Variants in KHDRBS2 observed in about 807,000 individuals in gnomAD.
KHDRBS2 encodes KH RNA binding domain containing, signal transduction associated 2, also known as KH domain-containing, RNA-binding, signal transduction-associated protein 2.
KHDRBS2 carries 26 observed loss-of-function variants against 44.3 expected under a neutral mutation model. That is an observed-to-expected ratio of 0.59 (90% CI 0.43 to 0.81). KHDRBS2 has a LOEUF of 0.81. Among genes scored for constraint, KHDRBS2 ranks in the 40% least tolerant of loss-of-function variants. The pLI is 0.00. For synonymous variants in KHDRBS2, 194 were observed against 151.1 expected, an observed-to-expected ratio of 1.28 and a Z score of -2.08; for missense variants, 476 against 433.1, an observed-to-expected ratio of 1.10 and a Z score of -0.88.
At chr6:61,814,334 G>A (rs1405060748) in intron 6 of KHDRBS2, among the ~76,000 whole-genome samples, 3 of 152,100 alleles carry the variant, frequency 2.0e-5, no homozygotes, top group African/African-American at 7.2e-5. Flanking sequence ...ATATGTGGCC[G>A]GGAGCGGTGG....
intron 4 of KHDRBS2, among the ~76,000 whole-genome samples, chr6:61,958,558 A>G (rs1767941832): frequency 1.3e-5 from 2 of 152,246 alleles, no homozygotes; most frequent in Middle Eastern, 6.8e-3. Flanking sequence ...TCTGTATTCC[A>G]CTTCAGTGAT....
chr6:62,014,587 T>C (rs1411478951), intron 3 of KHDRBS2, among the ~76,000 whole-genome samples: 1 of 152,154 alleles, frequency 6.6e-6, no homozygotes, highest in Non-Finnish European at 1.5e-5. Flanking sequence ...CAAAAAATAA[T>C]TCAATTCATA....
intron 2 of KHDRBS2, among the ~76,000 whole-genome samples, chr6:62,169,415 C>G (rs1197682069): frequency 1.3e-5 from 2 of 151,862 alleles, no homozygotes; most frequent in Middle Eastern, 3.4e-3. Flanking sequence ...GAAATTGGGT[C>G]AAACTGATGT....
chr6:61,851,559 T>C (rs1169502478), intron 6 of KHDRBS2, among the ~76,000 whole-genome samples: 1 of 152,000 alleles, frequency 6.6e-6, no homozygotes. Context: ...ACACAGACAA[T>C]ACATAGACTG....
At chr6:62,013,609 A>G (rs1780694491) in intron 3 of KHDRBS2, among the ~76,000 whole-genome samples, 1 of 152,144 alleles carries the variant, frequency 6.6e-6, no homozygotes. Flanking sequence ...TTATTATAAA[A>G]ATGAGGCAAG....
chr6:61,719,722 A>G (rs567697499), intron 7 of KHDRBS2, among the ~76,000 whole-genome samples: 93 of 152,206 alleles, frequency 6.1e-4, no homozygotes, highest in African/African-American at 2.1e-3. Flanking sequence ...CATCTTTACC[A>G]GTCATTAATG....
chr6:62,225,153 T>C (rs1194970076), intron 1 of KHDRBS2, among the ~76,000 whole-genome samples: 1 of 152,114 alleles, frequency 6.6e-6, no homozygotes, highest in Non-Finnish European at 1.5e-5. Flanking sequence ...GCTCCCCATA[T>C]AAATAAATGA....
the KHDRBS2 span, among the ~76,000 whole-genome samples, chr6:61,566,570 G>T: frequency 6.6e-6 from 1 of 152,172 alleles, no homozygotes; most frequent in East Asian, 1.9e-4. Flanking sequence ...CCTTCCCAAG[G>T]TTAGTTTGAC....
intron 6 of KHDRBS2, among the ~76,000 whole-genome samples, chr6:61,806,798 T>C (rs1787236955): frequency 1.3e-5 from 2 of 152,102 alleles, no homozygotes; most frequent in Non-Finnish European, 1.5e-5. Flanking sequence ...AGCTGTAACT[T>C]ATTTTTCAAT....
At chr6:61,825,234 A>G (rs544402067) in intron 6 of KHDRBS2, among the ~76,000 whole-genome samples, 34 of 152,320 alleles carry the variant, frequency 2.2e-4, no homozygotes, top group African/African-American at 7.5e-4. Context: ...TGTTTTTCAA[A>G]GAATTGTCAT....
intron 1 of KHDRBS2, among the ~76,000 whole-genome samples, chr6:62,248,621 G>T (rs1836016698): frequency 6.6e-6 from 1 of 152,008 alleles, no homozygotes; most frequent in Non-Finnish European, 1.5e-5. Flanking sequence ...GCCTCCCAAA[G>T]TGCTGGGATT....
intron 6 of KHDRBS2, among the ~76,000 whole-genome samples, chr6:61,887,659 G>C (rs944982214): frequency 9.2e-5 from 14 of 152,164 alleles, no homozygotes; most frequent in African/African-American, 3.4e-4. Flanking sequence ...AGGGGAGAAA[G>C]AAGTCTGAAG....
At chr6:61,665,421 G>C in the KHDRBS2 span, among the ~76,000 whole-genome samples, 1 of 151,368 alleles carries the variant, frequency 6.6e-6, no homozygotes, top group African/African-American at 2.4e-5. Flanking sequence ...CCAGGGAGAA[G>C]AAAGAGTTAA....
chr6:61,680,919 G>T lies in KHDRBS2; in HGVS notation c.*44C>A. 3.2e-6 allele frequency: 4 copies of T among 1,237,696 alleles called. No homozygotes were observed. Among genetic ancestry groups the T allele is most frequent in the Non-Finnish European group, 4.7e-6 (4 of 846,072 alleles). The allele number at this position is 1,237,696 out of a possible 1,614,324, so 76.7% of individuals were successfully genotyped here. A position where few individuals can be genotyped will look rare whatever the true frequency, so the allele number is the denominator to read the frequency against. ...GTTGCTGTTTATGTGGAGACCACAG[G>T]CTATGAATTGTCTTTGAGGTGAGGT... On this transcript the variant is annotated 3_prime_UTR_variant, in exon 9 of 9. Transcript: ENST00000281156.
chr6:62,120,036 T>C (rs1807235021), intron 2 of KHDRBS2, among the ~76,000 whole-genome samples: 1 of 152,088 alleles, frequency 6.6e-6, no homozygotes, highest in South Asian at 2.1e-4. Flanking sequence ...ATTAAGGGTG[T>C]GGAATAATGG....
At chr6:62,072,653 G>A (rs930713949) in intron 2 of KHDRBS2, among the ~76,000 whole-genome samples, 3 of 152,072 alleles carry the variant, frequency 2.0e-5, no homozygotes, top group Non-Finnish European at 2.9e-5. Flanking sequence ...TTATTGATTT[G>A]CATATGTTGA....
At chr6:62,103,602 C>T (rs1292990741) in intron 2 of KHDRBS2, among the ~76,000 whole-genome samples, 1 of 138,316 alleles carries the variant, frequency 7.2e-6, no homozygotes, top group African/African-American at 2.7e-5. Context: ...CAGAACCAGG[C>T]AGAAGCAGCT....
intron 4 of KHDRBS2, among the ~76,000 whole-genome samples, chr6:61,968,887 A>G (rs1226187255): frequency 1.3e-5 from 2 of 151,950 alleles, no homozygotes; most frequent in Non-Finnish European, 2.9e-5. Flanking sequence ...TTTTCAAATA[A>G]CCCTCTTTGG....
Position 61,903,680 on chromosome 6 carries a change from A to T in KHDRBS2, c.484-2309T>A, listed in dbSNP as rs1804457734. 2.0e-5 allele frequency among the ~76,000 whole-genome samples: 3 copies of T among 152,132 alleles called. No individual in the cohort carries two copies. In the East Asian group the frequency reaches 5.8e-4, roughly 29 times the overall value. Reference sequence around the variant, plus strand: ...CACTGACTCTGAGATTTGCCATGTGATTTGCCTTAGCTAAAACATCATGAA... The same window carrying T: ...CACTGACTCTGAGATTTGCCATGTGTTTTGCCTTAGCTAAAACATCATGAA... On this transcript the variant is annotated intron_variant, in intron 4 of 8. Transcript: ENST00000281156.
Sources: allele counts gnomAD v4.1 joint callset (sites outside exome capture counted in the v4.1 genomes callset), GRCh38; gene constraint gnomAD v4.1.1; transcripts MANE v1.5; gene names NCBI Gene and HGNC (gene_info 2026-07-23, HGNC 2026-07-21).